FOXJ3: variants seen among roughly 807,000 people sequenced by gnomAD.
The protein encoded by FOXJ3 is forkhead box protein J3.
Under a neutral mutation model 76.1 loss-of-function variants are expected in FOXJ3, and 22 were observed. That is an observed-to-expected ratio of 0.29 (90% CI 0.21 to 0.41). The LOEUF is 0.41. FOXJ3 is among the 10% of genes least tolerant of loss of function. The pLI, the probability that FOXJ3 is intolerant of heterozygous loss-of-function variation, is 1.00. For missense variants in FOXJ3, 613 were observed against 762.1 expected (o/e 0.80, Z 2.30); for synonymous variants, 269 against 261.2 (o/e 1.03, Z -0.29).
At chr1:42,206,336 C>T (rs1646861345) in intron 5 of FOXJ3, among the ~76,000 whole-genome samples, 1 of 152,166 alleles carries the variant, frequency 6.6e-6, no homozygotes, top group Non-Finnish European at 1.5e-5. Context: ...TTGAAAGAAA[C>T]CTGCTTGCCC....
intron 2 of FOXJ3, among the ~76,000 whole-genome samples, chr1:42,285,995 T>C (rs1461739734): frequency 1.3e-5 from 2 of 152,188 alleles, no homozygotes; most frequent in African/African-American, 4.8e-5. Flanking sequence ...TATTTTCCGA[T>C]ATAGTAAATG....
chr1:42,183,522 A>AC (rs1272036309), intron 11 of FOXJ3, among the ~76,000 whole-genome samples: 1 of 151,550 alleles, frequency 6.6e-6, no homozygotes. Context: ...AACAAACATG[A>AC]CCCCTCCTCC....
intron 2 of FOXJ3, 142 bp from the exon 3 acceptor site, chr1:42,278,814 A>T: frequency 1.7e-6 from 1 of 597,736 alleles, no homozygotes. Flanking sequence ...TATGTTAATG[A>T]GCAAACCAAA....
chr1:42,228,566 C>CAA (rs10640179), intron 4 of FOXJ3, among the ~76,000 whole-genome samples: 32,263 of 129,774 alleles, frequency 0.25, 4,765 homozygotes, highest in African/African-American at 0.41. Flanking sequence ...TGTGACTCTC[C>CAA]AAAAAAAAAA....
At chr1:42,268,030 A>G (rs890813665) in intron 3 of FOXJ3, among the ~76,000 whole-genome samples, 1 of 152,240 alleles carries the variant, frequency 6.6e-6, no homozygotes, top group East Asian at 1.9e-4. Flanking sequence ...AAAAAAAGGA[A>G]TGGGGCAGAG....
chr1:42,221,492 G>A (rs1470579818), intron 5 of FOXJ3, among the ~76,000 whole-genome samples: 2 of 152,132 alleles, frequency 1.3e-5, no homozygotes, highest in African/African-American at 4.8e-5. Context: ...GTCTTGCTCT[G>A]TTGCTCAGGC....
intron 4 of FOXJ3, among the ~76,000 whole-genome samples, chr1:42,263,298 T>A (rs1026297543): frequency 3.3e-5 from 5 of 150,804 alleles, no homozygotes; most frequent in Non-Finnish European, 6.0e-5. Flanking sequence ...TGATTTTTAA[T>A]TTTTTTTAAT....
At chr1:42,215,581 T>A (rs964742060) in intron 5 of FOXJ3, among the ~76,000 whole-genome samples, 1 of 151,978 alleles carries the variant, frequency 6.6e-6, no homozygotes, top group Non-Finnish European at 1.5e-5. Flanking sequence ...GAAAATTTAG[T>A]AAAAGACAAA....
intron 1 of FOXJ3, among the ~76,000 whole-genome samples, chr1:42,313,429 T>C (rs1428875633): frequency 1.3e-5 from 2 of 151,980 alleles, no homozygotes; most frequent in East Asian, 1.9e-4. Flanking sequence ...GAAGCAAATG[T>C]ACGTTCTCTC....
At chr1:42,188,669 T>TA in intron 11 of FOXJ3, 68 bp downstream of exon 11, 1 of 1,099,856 alleles carries the variant, frequency 9.1e-7, no homozygotes, top group Non-Finnish European at 1.3e-6. Context: ...CCAAGTTGGT[T>TA]AAGACAGTTA....
chr1:42,316,695 A>G (rs1655131025), intron 1 of FOXJ3, among the ~76,000 whole-genome samples: 1 of 152,184 alleles, frequency 6.6e-6, no homozygotes, highest in Non-Finnish European at 1.5e-5. Context: ...AGTTACTATG[A>G]CAGTAGCTTG....
At chr1:42,229,905 A>G (rs925436342) in intron 4 of FOXJ3, among the ~76,000 whole-genome samples, 1 of 152,238 alleles carries the variant, frequency 6.6e-6, no homozygotes, top group African/African-American at 2.4e-5. Context: ...TCCAGCATTT[A>G]GTTTTGTTTT....
At chr1:42,201,147 A>C (rs531694538) in intron 6 of FOXJ3, among the ~76,000 whole-genome samples, 1 of 152,266 alleles carries the variant, frequency 6.6e-6, no homozygotes, top group African/African-American at 2.4e-5. Context: ...ATTAATTCTA[A>C]GGCTTTATCC....
At chr1:42,322,811 C>T (rs559805493) in intron 1 of FOXJ3, among the ~76,000 whole-genome samples, 9 of 152,046 alleles carry the variant, frequency 5.9e-5, no homozygotes, top group African/African-American at 1.9e-4. Flanking sequence ...GACTCAGCTG[C>T]TAAAAAGAAA....
chr1:42,315,496 C>T (rs1226933738), intron 1 of FOXJ3: 1 of 598,448 alleles, frequency 1.7e-6, no homozygotes, highest in African/African-American at 2.0e-5. Context: ...CAATAAGTTA[C>T]CATTTACTAT....
chr1:42,255,078 T>G (rs1437021185), intron 4 of FOXJ3, among the ~76,000 whole-genome samples: 1 of 151,988 alleles, frequency 6.6e-6, no homozygotes, highest in Non-Finnish European at 1.5e-5. Context: ...TCCAATGTAA[T>G]TTCCTTAAAA....
intron 11 of FOXJ3, among the ~76,000 whole-genome samples, chr1:42,185,795 G>A (rs1227164393): frequency 1.3e-5 from 2 of 152,056 alleles, no homozygotes; most frequent in African/African-American, 2.4e-5. Flanking sequence ...GTCATAGACT[G>A]TGTTCTATAA....
At chr1:42,272,305 G>C (rs557012441) in intron 3 of FOXJ3, among the ~76,000 whole-genome samples, 1 of 152,226 alleles carries the variant, frequency 6.6e-6, no homozygotes, top group East Asian at 1.9e-4. Flanking sequence ...GACTGCTGAA[G>C]TGTTCTAAAC....
At chr1:42,241,752 C>T (rs12090409) in intron 4 of FOXJ3, among the ~76,000 whole-genome samples, 3,573 of 152,326 alleles carry the variant, frequency 0.023, 144 homozygotes, top group African/African-American at 0.082. Context: ...AATGAGGACA[C>T]ACCACCTGTA....
Sources: gnomAD v4.1 joint callset for allele counts (sites outside exome capture counted in the v4.1 genomes callset) on GRCh38, gnomAD v4.1.1 for gene constraint, MANE v1.5 for transcripts, NCBI Gene and HGNC (gene_info 2026-07-23, HGNC 2026-07-21) for gene names.